DLG2: variants seen among roughly 807,000 people sequenced by gnomAD.
DLG2 encodes disks large homolog 2.
Under a neutral mutation model 132.5 loss-of-function variants are expected in DLG2, and 45 were observed. The ratio of observed to expected loss-of-function variants is 0.34; its 90% CI spans 0.27 to 0.44. The LOEUF is 0.44. Ranked by LOEUF, DLG2 falls within the 20% of genes least tolerant of loss-of-function variation. The probability of loss-of-function intolerance (pLI) is 1.00; values close to 1 mark genes in which losing one functional copy is unlikely to be tolerated. For synonymous variants in DLG2, 424 were observed against 419.6 expected (o/e 1.01, Z -0.13); for missense variants, 1,045 against 1,196.9 (o/e 0.87, Z 1.87).
At chr11:84,248,930 T>A (rs1047944675) in intron 8 of DLG2, among the ~76,000 whole-genome samples, 1 of 152,298 alleles carries the variant, frequency 6.6e-6, no homozygotes, top group South Asian at 2.1e-4. Context: ...CAAAGTCAGA[T>A]ACAAACCTGG....
At chr11:84,826,943 T>C (rs574455576) in intron 6 of DLG2, among the ~76,000 whole-genome samples, 11 of 151,974 alleles carry the variant, frequency 7.2e-5, no homozygotes, top group African/African-American at 2.2e-4. Flanking sequence ...AGAATGGAGA[T>C]AGACTTTCTA....
At chr11:83,968,303 G>A (rs932002492) in intron 12 of DLG2, among the ~76,000 whole-genome samples, 13 of 152,276 alleles carry the variant, frequency 8.5e-5, no homozygotes, top group Non-Finnish European at 1.5e-4. Flanking sequence ...TGGAACTGGA[G>A]AGAATTGAAC....
chr11:85,191,400 C>T (rs78530301), intron 4 of DLG2, among the ~76,000 whole-genome samples: 6,357 of 152,154 alleles, frequency 0.042, 183 homozygotes, highest in East Asian at 0.092. Flanking sequence ...CACCAACACA[C>T]ACACACACGT....
intron 3 of DLG2, among the ~76,000 whole-genome samples, chr11:85,438,296 G>A (rs2091598007): frequency 1.3e-5 from 2 of 152,210 alleles, no homozygotes; most frequent in South Asian, 4.1e-4. Flanking sequence ...ATTTTAACAT[G>A]AGATTTGGAG....
chr11:83,486,325 T>C (rs2093502140), intron 21 of DLG2: 2 of 625,368 alleles, frequency 3.2e-6, no homozygotes, highest in Admixed American at 5.8e-5. Context: ...GACATTTAAC[T>C]TCAACATCAC....
intron 6 of DLG2, among the ~76,000 whole-genome samples, chr11:84,861,519 T>G (rs2083623609): frequency 6.6e-6 from 1 of 150,926 alleles, no homozygotes; most frequent in Non-Finnish European, 1.5e-5. Context: ...AGTTTTCTTC[T>G]AGGGTTTTTA....
At chr11:83,671,629 G>A (rs1012101325) in intron 18 of DLG2, among the ~76,000 whole-genome samples, 2 of 152,116 alleles carry the variant, frequency 1.3e-5, no homozygotes, top group South Asian at 2.1e-4. Flanking sequence ...TCTTTCAGAA[G>A]GACAATTAAT....
chr11:84,565,501 G>A (rs113408133), intron 6 of DLG2, among the ~76,000 whole-genome samples: 4 of 152,226 alleles, frequency 2.6e-5, no homozygotes, highest in African/African-American at 9.6e-5. Flanking sequence ...GTCATACAGA[G>A]CACTATAGAT....
chr11:84,857,848 CA>C (rs1470548635), intron 6 of DLG2, among the ~76,000 whole-genome samples: 1 of 151,516 alleles, frequency 6.6e-6, no homozygotes, highest in East Asian at 1.9e-4. Context: ...AAGTTGTTAC[CA>C]ATAAAATATG....
chr11:84,772,969 C>G (rs1356643299), intron 6 of DLG2, among the ~76,000 whole-genome samples: 1 of 151,590 alleles, frequency 6.6e-6, no homozygotes, highest in Middle Eastern at 3.2e-3. Flanking sequence ...ATTGATAACC[C>G]AAAATCCACA....
At chr11:83,505,626 C>T (rs1381930322) in intron 21 of DLG2, among the ~76,000 whole-genome samples, 1 of 152,224 alleles carries the variant, frequency 6.6e-6, no homozygotes, top group African/African-American at 2.4e-5. Flanking sequence ...AATCATGCTT[C>T]TTCCAAGTCC....
intron 6 of DLG2, among the ~76,000 whole-genome samples, chr11:84,705,732 C>T (rs1760630131): frequency 6.6e-6 from 1 of 151,656 alleles, no homozygotes; most frequent in Admixed American, 6.6e-5. Flanking sequence ...TTTCCCTCTG[C>T]TGTCATGAAG....
chr11:84,348,295 G>C (rs1047207984), intron 7 of DLG2, among the ~76,000 whole-genome samples: 2 of 152,070 alleles, frequency 1.3e-5, no homozygotes, highest in African/African-American at 4.8e-5. Context: ...GAAAAATAAA[G>C]CTCAAGGACG....
At chr11:85,139,187 T>C (rs1478383593) in intron 5 of DLG2, among the ~76,000 whole-genome samples, 3 of 152,108 alleles carry the variant, frequency 2.0e-5, no homozygotes, top group Non-Finnish European at 4.4e-5. Context: ...TCTATTCATC[T>C]CTTACTATCT....
chr11:84,520,960 G>T lies in DLG2; in HGVS notation c.519+13610C>A, dbSNP rs1247639755. Among the ~76,000 whole-genome samples, 6 of 152,300 alleles carry T rather than the reference G, an allele frequency of 3.9e-5. No individual in the cohort carries two copies. The East Asian group carries it at 1.2e-3, about 29-fold the overall frequency. ...CTCTTATCCCACACACTGCCCTGCA[G>T]CTCTGGGAAAGCATCCCATAGAGAA... On this transcript the variant is annotated intron_variant, in intron 7 of 27. Transcript: ENST00000376104.
chr11:83,772,440 A>AAAAAG (rs2094433705), intron 18 of DLG2, among the ~76,000 whole-genome samples: 1 of 146,194 alleles, frequency 6.8e-6, no homozygotes, highest in African/African-American at 2.5e-5. Context: ...AAAAGAAAAA[A>AAAAAG]AAAGAGAAGG....
At chr11:85,517,231 T>C (rs575615124) in intron 3 of DLG2, among the ~76,000 whole-genome samples, 1 of 151,952 alleles carries the variant, frequency 6.6e-6, no homozygotes, top group East Asian at 1.9e-4. Flanking sequence ...CAACATCCTA[T>C]CATGATTTAA....
chr11:84,520,502 G>T (rs1223810466), intron 7 of DLG2, among the ~76,000 whole-genome samples: 2 of 152,090 alleles, frequency 1.3e-5, no homozygotes, highest in South Asian at 2.1e-4. Flanking sequence ...CATTAATGTA[G>T]CCTAAAATTA....
At chr11:83,771,628 A>G (rs1246491772) in intron 18 of DLG2, among the ~76,000 whole-genome samples, 1 of 152,226 alleles carries the variant, frequency 6.6e-6, no homozygotes, top group Admixed American at 6.5e-5. Context: ...ATATCTAAAC[A>G]TATAAAAAGT....
Sources: allele counts gnomAD v4.1 joint callset (sites outside exome capture counted in the v4.1 genomes callset), GRCh38; gene constraint gnomAD v4.1.1; transcripts MANE v1.5; gene names NCBI Gene and HGNC (gene_info 2026-07-23, HGNC 2026-07-21).